Variants in HTT observed in about 807,000 individuals in gnomAD.
HTT encodes the protein huntington disease protein.
HTT carries 104 observed loss-of-function variants against 362.3 expected under a neutral mutation model. The ratio of observed to expected loss-of-function variants is 0.29; its 90% CI spans 0.24 to 0.34. HTT has a LOEUF of 0.34. HTT is among the 10% of genes least tolerant of loss of function. The pLI, the probability that HTT is intolerant of heterozygous loss-of-function variation, is 1.00. For synonymous variants in HTT, 1,577 were observed against 1,548.7 expected (o/e 1.02, Z -0.43); for missense variants, 3,301 against 3,928.6 (o/e 0.84, Z 4.27).
intron 8 of HTT, among the ~76,000 whole-genome samples, chr4:3,117,136 T>C (rs1715069173): frequency 6.6e-6 from 1 of 152,322 alleles, no homozygotes; most frequent in East Asian, 1.9e-4. Context: ...TGAGCAAAAG[T>C]GGACTCTTAA....
intron 8 of HTT, among the ~76,000 whole-genome samples, chr4:3,119,671 A>G (rs539560267): frequency 2.0e-5 from 3 of 152,212 alleles, no homozygotes; most frequent in Non-Finnish European, 4.4e-5. Context: ...GTTACCTAGG[A>G]GCATGTAAAT....
rs144286633 is a variant in HTT at position 3,161,784 on chromosome 4, G to A, written c.3864+1392G>A. Reference sequence around the variant, plus strand: ...TGATGGGGTTGTTTGCTTTTTTTTCGTAAATTTGTTTAAGTTCTTTGTAGA... The same window carrying A: ...TGATGGGGTTGTTTGCTTTTTTTTCATAAATTTGTTTAAGTTCTTTGTAGA... On this transcript the variant is annotated intron_variant, in intron 29 of 66. Coordinates refer to ENST00000355072, the MANE Select transcript of HTT (RefSeq NM_001388492.1). 9.2e-3 allele frequency among the ~76,000 whole-genome samples: 1,399 copies of A among 151,854 alleles called. 13 individuals are homozygous for A. The highest frequency in any genetic ancestry group is 0.013 in the Non-Finnish European group (893 of 67,958).
rs966130121 is a variant in HTT, at chr4:3,184,495, C to A, written c.4866+2025C>A. ...AGGGCCACCCATGTGAGACCCGGCA[C>A]TGGAGTGGAATGGCCCAAGTCAGCA... On this transcript the variant is annotated intron_variant, in intron 37 of 66. Transcript: ENST00000355072. Among the ~76,000 whole-genome samples, 4 of 151,968 alleles carry A rather than the reference C, an allele frequency of 2.6e-5. No homozygotes were observed. The East Asian group carries it at 5.8e-4, about 22-fold the overall frequency.
At chr4:3,101,292 G>A (rs1184153068) in intron 3 of HTT, among the ~76,000 whole-genome samples, 1 of 152,138 alleles carries the variant, frequency 6.6e-6, no homozygotes. Flanking sequence ...GTGGTTTTAG[G>A]TCTCAGGTGC....
intron 18 of HTT, 58 bp downstream of exon 18, chr4:3,132,969 A>C: frequency 2.4e-6 from 3 of 1,258,336 alleles, no homozygotes; most frequent in Non-Finnish European, 3.5e-6. Flanking sequence ...TATCATTGCT[A>C]CAATTAAAAT....
intron 55 of HTT, 67 bp from the exon 56 acceptor site, chr4:3,223,924 TC>T: frequency 6.5e-7 from 1 of 1,543,642 alleles, no homozygotes; most frequent in Non-Finnish European, 8.9e-7. Context: ...GAGGGAAAGT[TC>T]TGGTGTTTTT....
intron 37 of HTT, among the ~76,000 whole-genome samples, chr4:3,185,206 C>T (rs981362310): frequency 3.9e-5 from 6 of 152,160 alleles, no homozygotes; most frequent in South Asian, 2.1e-4. Flanking sequence ...GGCCTGTTTA[C>T]GCACTGAGGG....
chr4:3,222,391 G>C lies in HTT; in HGVS notation c.7374G>C (p.Trp2458Cys). Residue 2458 changes from tryptophan to cysteine, a missense_variant, in exon 54 of 67, where the codon TGG (tryptophan) becomes TGC (cysteine). Transcript: ENST00000355072. ...EFIYRINTLG[W>C]TSRTQFEETW... Reference sequence around the variant, plus strand: ...ATGTAACATTTATATTTCTAGGCTGGACCAGTCGTACTCAGTTTGAAGAAA... The same window carrying C: ...ATGTAACATTTATATTTCTAGGCTGCACCAGTCGTACTCAGTTTGAAGAAA... 1 of 1,613,536 alleles carries C rather than the reference G, an allele frequency of 6.2e-7. No homozygotes were observed. The highest frequency in any genetic ancestry group is 8.5e-7 in the Non-Finnish European group (1 of 1,179,482).
intron 60 of HTT, among the ~76,000 whole-genome samples, 180 bp from the exon 61 acceptor site, chr4:3,232,983 C>T (rs566191485): frequency 3.9e-4 from 59 of 152,370 alleles, no homozygotes; most frequent in African/African-American, 1.3e-3. Context: ...TGGTGGGCAC[C>T]GTCCCAACAC....
In HTT at chr4:3,223,464, T is replaced by C. The variant is rs1190074649; in HGVS notation, c.7529T>C (p.Val2510Ala). The C allele has an allele frequency of 6.2e-7, 1 of 1,613,534 alleles. No homozygotes were observed. The highest frequency in any genetic ancestry group is 1.3e-5 in the African/African-American group (1 of 74,956). The change falls in exon 55 of 67, where the codon GTG (valine) becomes GCG (alanine). Residue 2510 changes from valine (V) to alanine (A), a missense_variant. Val to Ala is a moderately conservative substitution (Grantham distance 64). This residue lies in a region of HTT where 753 missense variants were observed against 1,021.3 expected (regional missense o/e 0.74). Transcript: ENST00000355072. ...VLAVQAITSL[V>A]LSAMTVPVAG... ...GCCGTGCAGGCCATCACCTCACTGG[T>C]GCTCAGTGCAATGACTGTGCCTGTG... is the stretch of plus-strand genomic sequence containing the variant.
At position 3,074,796 on chromosome 4, in the gene HTT, G is replaced by C. The variant is rs764754088; in HGVS notation, c.-30G>C. On this transcript the variant is annotated 5_prime_UTR_variant, in exon 1 of 67. Transcript: ENST00000355072. Reference sequence around the variant, plus strand: ...CGCCGCGAGTCGGCCCGAGGCCTCCGGGGACTGCCGTGCCGGGCGGGAGAC... The same window carrying C: ...CGCCGCGAGTCGGCCCGAGGCCTCCCGGGACTGCCGTGCCGGGCGGGAGAC... 1.2e-5 allele frequency: 18 copies of C among 1,508,812 alleles called. No homozygotes were observed. The highest frequency in any genetic ancestry group is 1.6e-5 in the Non-Finnish European group (18 of 1,134,796). The allele number at this position is 1,508,812 out of a possible 1,614,324, so 93.5% of individuals were successfully genotyped here. A position where few individuals can be genotyped will look rare whatever the true frequency, so the allele number is the denominator to read the frequency against.
At chr4:3,182,918 T>G (rs1291137528) in intron 37 of HTT, among the ~76,000 whole-genome samples, 8 of 152,204 alleles carry the variant, frequency 5.3e-5, no homozygotes, top group African/African-American at 1.9e-4. Context: ...GGTCTCACTC[T>G]GTCACCCAGG....
At chr4:3,205,530 A>G (rs1218209892) in intron 42 of HTT, among the ~76,000 whole-genome samples, 1 of 151,874 alleles carries the variant, frequency 6.6e-6, no homozygotes, top group East Asian at 1.9e-4. Context: ...GAAATATAAG[A>G]AAAAAGATAC....
intron 20 of HTT, 69 bp from the exon 21 acceptor site, chr4:3,136,157 C>A: frequency 8.6e-7 from 1 of 1,157,288 alleles, no homozygotes; most frequent in Non-Finnish European, 1.3e-6. Context: ...ACTAGCTTTC[C>A]AAAATATCTT....
At chr4:3,133,895 G>A (rs1020017692) in intron 18 of HTT, among the ~76,000 whole-genome samples, 23 of 152,126 alleles carry the variant, frequency 1.5e-4, no homozygotes, top group East Asian at 3.9e-4. Flanking sequence ...GCTAGCTGGG[G>A]GTCTTTGTGT....
intron 29 of HTT, among the ~76,000 whole-genome samples, chr4:3,171,304 A>T (rs144153445): frequency 6.6e-6 from 1 of 152,136 alleles, no homozygotes; most frequent in Non-Finnish European, 1.5e-5. Context: ...AAACAAGTGG[A>T]GAGAGAGGCA....
intron 60 of HTT, among the ~76,000 whole-genome samples, chr4:3,232,433 T>C (rs2054955018): frequency 6.6e-6 from 1 of 152,186 alleles, no homozygotes; most frequent in African/African-American, 2.4e-5. Flanking sequence ...AGGGGTCTCC[T>C]CACTGTTAAA....
intron 41 of HTT, among the ~76,000 whole-genome samples, chr4:3,200,581 CCACGCTGGGGAAA>C (rs1247006027): frequency 1.3e-5 from 2 of 152,304 alleles, no homozygotes; most frequent in East Asian, 3.9e-4. Context: ...GCTCAAGATC[CCACGCTGGGGAAA>C]AGAAGTTCTG....
At chr4:3,103,501 C>T (rs1363217167) in intron 3 of HTT, among the ~76,000 whole-genome samples, 1 of 152,144 alleles carries the variant, frequency 6.6e-6, no homozygotes, top group Non-Finnish European at 1.5e-5. Flanking sequence ...GCTGGGATTA[C>T]AGGCATGAGC....
Sources: allele counts gnomAD v4.1 joint callset (sites outside exome capture counted in the v4.1 genomes callset), GRCh38; gene constraint gnomAD v4.1.1; regional missense constraint gnomAD v4.1.1; transcripts MANE v1.5; gene names NCBI Gene and HGNC (gene_info 2026-07-23, HGNC 2026-07-21).